DHRS3: variants seen among roughly 807,000 people sequenced by gnomAD.
DHRS3 encodes the protein short-chain dehydrogenase/reductase 3.
DHRS3 carries 14 observed loss-of-function variants against 27.2 expected under a neutral mutation model. The observed-to-expected ratio is 0.52, with a 90% CI of 0.34 to 0.81. DHRS3 has a LOEUF of 0.81. DHRS3 is among the 30% of genes least tolerant of loss of function. The pLI is 0.01. For missense variants in DHRS3, 322 were observed against 406.2 expected (o/e 0.79, Z 1.78); for synonymous variants, 165 against 175.9 (o/e 0.94, Z 0.49).
chr1:12,584,521 C>T (rs1646675481), intron 1 of DHRS3, among the ~76,000 whole-genome samples: 1 of 148,218 alleles, frequency 6.7e-6, no homozygotes, highest in Non-Finnish European at 1.5e-5. Flanking sequence ...ATCCCGTTCA[C>T]ATCCCAGTGC....
intron 1 of DHRS3, among the ~76,000 whole-genome samples, chr1:12,601,536 C>A (rs1570393944): frequency 6.6e-6 from 1 of 152,096 alleles, no homozygotes; most frequent in Non-Finnish European, 1.5e-5. Flanking sequence ...CAAAGTCAGC[C>A]CTACCCAGGG....
rs1221263192 is a variant in DHRS3, at chr1:12,583,686, CCATCCACCCATT to C, written c.196-3032_196-3021del. 6.3e-4 allele frequency among the ~76,000 whole-genome samples: 95 copies of C among 151,738 alleles called. 1 individual carries two copies. The highest frequency in any genetic ancestry group is 2.2e-3 in the African/African-American group (90 of 41,362). On this transcript the variant is annotated intron_variant, in intron 1 of 5. Coordinates refer to ENST00000616661, the MANE Select transcript of DHRS3 (RefSeq NM_004753.7). ...TCCATCCATTCATCTGTCCATCCAT[CCATCCACCCATT>C]CATCCACTCACCTACCCTACTCCAT... is the stretch of plus-strand genomic sequence containing the variant.
At chr1:12,616,099 A>C (rs538470790) in intron 1 of DHRS3, among the ~76,000 whole-genome samples, 5 of 152,262 alleles carry the variant, frequency 3.3e-5, no homozygotes, top group Non-Finnish European at 5.9e-5. Flanking sequence ...CTGGAATTAC[A>C]TGCAGGTTTG....
chr1:12,587,176 T>C (rs1157152209), intron 1 of DHRS3, among the ~76,000 whole-genome samples: 1 of 144,398 alleles, frequency 6.9e-6, no homozygotes, highest in Non-Finnish European at 1.5e-5. Flanking sequence ...AGAGTCTCAC[T>C]CTGTTGCCCA....
In DHRS3 at chr1:12,569,055, TA is replaced by T. The variant is rs537238959; in HGVS notation, c.825-632del. Reference sequence around the variant, plus strand: ...CAACATGGCAAAACCCTGTCTTTACTAAAAATACAAAAATTAGCTGGGCGTG... The same window carrying T: ...CAACATGGCAAAACCCTGTCTTTACTAAAATACAAAAATTAGCTGGGCGTG... On this transcript the variant is annotated intron_variant, in intron 5 of 5. Transcript: ENST00000616661. Among the ~76,000 whole-genome samples the T allele has an allele frequency of 5.8e-3, 886 of 152,048 alleles. 4 individuals carry two copies. Among genetic ancestry groups the T allele is most frequent in the Admixed American group, 0.024 (359 of 15,274 alleles).
At chr1:12,595,098 G>A (rs1396301389) in intron 1 of DHRS3, among the ~76,000 whole-genome samples, 1 of 152,120 alleles carries the variant, frequency 6.6e-6, no homozygotes, top group Non-Finnish European at 1.5e-5. Flanking sequence ...GGGAGGGGAG[G>A]GGAGGCGGTG....
At chr1:12,606,136 C>CAAAAAAAA (rs35154933) in intron 1 of DHRS3, among the ~76,000 whole-genome samples, 1 of 106,814 alleles carries the variant, frequency 9.4e-6, no homozygotes, top group Non-Finnish European at 1.8e-5. Context: ...GACTCTGTCT[C>CAAAAAAAA]AAAAAAAAAA....
At chr1:12,573,060 T>C (rs1646553559) in intron 4 of DHRS3, among the ~76,000 whole-genome samples, 1 of 152,152 alleles carries the variant, frequency 6.6e-6, no homozygotes, top group Non-Finnish European at 1.5e-5. Context: ...TCTTCTTGAG[T>C]CAAGGACTTC....
intron 5 of DHRS3, among the ~76,000 whole-genome samples, chr1:12,569,025 C>A (rs1646509576): frequency 2.0e-5 from 3 of 152,084 alleles, no homozygotes; most frequent in African/African-American, 7.2e-5. Flanking sequence ...CGAGAACAGC[C>A]TAGCCAACAT....
In DHRS3 at chr1:12,593,592, G is replaced by T. The variant is rs951780019; in HGVS notation, c.196-12926C>A. ...ACCCCACAAACACCAGCTCTGATTT[G>T]ATTTACAAATCTACCCTTCTTTGAT... On this transcript the variant is annotated intron_variant, in intron 1 of 5. Coordinates refer to ENST00000616661, the MANE Select transcript of DHRS3 (RefSeq NM_004753.7). The surrounding 1 kb of genome is among the most constrained non-coding windows in gnomAD (Gnocchi z 4.6). Among the ~76,000 whole-genome samples, 5 of 152,196 alleles carry T rather than the reference G, an allele frequency of 3.3e-5. No homozygotes were observed. The South Asian group carries it at 1.0e-3, about 32-fold the overall frequency.
chr1:12,579,160 T>A (rs1159843482), intron 3 of DHRS3, 133 bp downstream of exon 3: 1 of 1,482,622 alleles, frequency 6.7e-7, no homozygotes, highest in Non-Finnish European at 9.2e-7. Context: ...TGGTCATTCG[T>A]CTTGTCTGGC....
intron 1 of DHRS3, among the ~76,000 whole-genome samples, chr1:12,607,434 G>A (rs538107102): frequency 2.0e-4 from 31 of 152,270 alleles, no homozygotes; most frequent in Non-Finnish European, 4.1e-4. Flanking sequence ...TAGTGAGGGA[G>A]CTCTCACGTG....
chr1:12,615,016 C>A (rs1392271376), intron 1 of DHRS3, among the ~76,000 whole-genome samples: 1 of 152,150 alleles, frequency 6.6e-6, no homozygotes, highest in Non-Finnish European at 1.5e-5. Context: ...ACACTTGACC[C>A]TTTGTTCCCA....
At chr1:12,600,481 C>T (rs1013446233) in intron 1 of DHRS3, 11 of 791,614 alleles carry the variant, frequency 1.4e-5, no homozygotes, top group African/African-American at 7.4e-5. Flanking sequence ...GAACACGGGC[C>T]GTGCAGCCAA....
At chr1:12,584,306 A>G (rs140031719) in intron 1 of DHRS3, among the ~76,000 whole-genome samples, 134 of 152,210 alleles carry the variant, frequency 8.8e-4, no homozygotes, top group Admixed American at 2.2e-3. Context: ...AGCAGGGCTG[A>G]GGGAGAAGGA....
intron 5 of DHRS3, among the ~76,000 whole-genome samples, chr1:12,571,680 G>A (rs1441151008): frequency 6.6e-6 from 1 of 151,794 alleles, no homozygotes; most frequent in Non-Finnish European, 1.5e-5. Context: ...ACAGGCACAC[G>A]CCACCACACC....
Position 12,586,807 on chromosome 1 carries a change from C to CCACCACTCACTGTCCT in DHRS3, c.196-6157_196-6142dup, listed in dbSNP as rs1646700359. Among the ~76,000 whole-genome samples the CCACCACTCACTGTCCT allele has an allele frequency of 6.6e-6, 1 of 151,940 alleles. No individual in the cohort carries two copies. Among genetic ancestry groups the CCACCACTCACTGTCCT allele is most frequent in the Non-Finnish European group, 1.5e-5 (1 of 68,018 alleles). ...AGCTCCACAGGCTGTGGGGATTGCA[C>CCACCACTCACTGTCCT]CACCACTCACTGTCCTGTAAGAGAA... is the stretch of plus-strand genomic sequence containing the variant. On this transcript the variant is annotated intron_variant, in intron 1 of 5. Transcript: ENST00000616661. This position sits in a 1 kb window ranked among gnomAD's most constrained non-coding sequence, Gnocchi z 5.0.
chr1:12,592,725 A>G lies in DHRS3; in HGVS notation c.196-12059T>C, dbSNP rs537169410. ...AACACAAATGGGCTCCATTATCCTC[A>G]TTCAATAGAGGAGGCCAAGCGAGGC... is the stretch of plus-strand genomic sequence containing the variant. On this transcript the variant is annotated intron_variant, in intron 1 of 5. Transcript: ENST00000616661. This position sits in a 1 kb window ranked among gnomAD's most constrained non-coding sequence, Gnocchi z 4.2. 1.5e-4 allele frequency among the ~76,000 whole-genome samples: 23 copies of G among 152,302 alleles called. No individual in the cohort carries two copies. The South Asian group carries it at 4.6e-3, about 30-fold the overall frequency.
At position 12,593,950 on chromosome 1, in the gene DHRS3, G is replaced by T. The variant is rs1646766774; in HGVS notation, c.196-13284C>A. Among the ~76,000 whole-genome samples the T allele has an allele frequency of 6.6e-6, 1 of 152,178 alleles. No individual in the cohort carries two copies. The highest frequency in any genetic ancestry group is 1.5e-5 in the Non-Finnish European group (1 of 68,026). ...CCAGGGGCTCCACCTCCATCTGACTGCCCAGGGCCGCACTTGGCAAAACAC... is the reference window on the plus strand; with the variant it reads ...CCAGGGGCTCCACCTCCATCTGACTTCCCAGGGCCGCACTTGGCAAAACAC... On this transcript the variant is annotated intron_variant, in intron 1 of 5. Transcript: ENST00000616661. This position sits in a 1 kb window ranked among gnomAD's most constrained non-coding sequence, Gnocchi z 4.6.
Sources: allele counts gnomAD v4.1 joint callset (sites outside exome capture counted in the v4.1 genomes callset), GRCh38; gene constraint gnomAD v4.1.1; non-coding constraint Gnocchi (gnomAD v3.1); transcripts MANE v1.5; gene names NCBI Gene and HGNC (gene_info 2026-07-23, HGNC 2026-07-21).